The following CYTIP variants were observed in gnomAD, a reference collection of about 807,000 sequenced individuals.
The protein encoded by CYTIP is cytohesin-interacting protein.
CYTIP carries 26 observed loss-of-function variants against 43.8 expected under a neutral mutation model. The observed-to-expected ratio is 0.59, with a 90% confidence interval of 0.44 to 0.82. The LOEUF is 0.82. CYTIP is among the 40% of genes least tolerant of loss of function. The pLI, the probability that CYTIP is intolerant of heterozygous loss-of-function variation, is 0.00. For missense variants in CYTIP, 426 were observed against 443.1 expected, an observed-to-expected ratio of 0.96 and a Z score of 0.35; for synonymous variants, 162 against 162.9, an observed-to-expected ratio of 0.99 and a Z score of 0.04.
At chr2:157,436,725 C>T (rs1325702058) in intron 1 of CYTIP, among the ~76,000 whole-genome samples, 1 of 151,956 alleles carries the variant, frequency 6.6e-6, no homozygotes, top group Non-Finnish European at 1.5e-5. Context: ...CAATGCCCAA[C>T]ACAGGGCCTG....
At chr2:157,429,627 C>G (rs571360348) in intron 5 of CYTIP, among the ~76,000 whole-genome samples, 1 of 152,022 alleles carries the variant, frequency 6.6e-6, no homozygotes, top group African/African-American at 2.4e-5. Context: ...AATGAATGAG[C>G]GAATTTCATC....
At chr2:157,434,261 T>C in intron 3 of CYTIP, 109 bp downstream of exon 3, 12 of 886,578 alleles carry the variant, frequency 1.4e-5, no homozygotes, top group Non-Finnish European at 2.1e-5. Flanking sequence ...ATAAAAGTCA[T>C]AGGCTCCATC....
At chr2:157,432,123 A>G (rs1019025268) in intron 3 of CYTIP, among the ~76,000 whole-genome samples, 1 of 152,174 alleles carries the variant, frequency 6.6e-6, no homozygotes. Flanking sequence ...TGGTACATGA[A>G]TAAAATATAC....
intron 6 of CYTIP, among the ~76,000 whole-genome samples, chr2:157,419,642 C>T (rs908760038): frequency 6.6e-6 from 1 of 152,338 alleles, no homozygotes; most frequent in South Asian, 2.1e-4. Context: ...CTATAGCAAG[C>T]CTAGCAAGTG....
In CYTIP at chr2:157,427,441, A is replaced by AG. The variant is rs1423462602; in HGVS notation, c.477-22dup. 1.9e-6 allele frequency: 3 copies of AG among 1,557,704 alleles called. No homozygotes were observed. The South Asian group carries it at 3.5e-5, about 18-fold the overall frequency. On this transcript the variant is annotated intron_variant, in intron 5 of 7. Transcript: ENST00000264192. ...CTATCCTGTTTTAAGGAAAAAAAAA[A>AG]GAAGAGGAAGGTGGGGAGTGAGTAA... is the stretch of plus-strand genomic sequence containing the variant.
Position 157,434,695 on chromosome 2 carries a change from T to C in CYTIP, c.224+3A>G. The C allele has an allele frequency of 1.9e-6, 3 of 1,607,972 alleles. No individual in the cohort carries two copies. Among genetic ancestry groups the C allele is most frequent in the Non-Finnish European group, 2.6e-6 (3 of 1,175,752 alleles). On this transcript the variant is annotated splice_donor_region_variant and intron_variant, in intron 2 of 7. Coordinates refer to ENST00000264192, the MANE Select transcript of CYTIP (RefSeq NM_004288.5). ...GAGACAAAAAATAATTCAATCTCTT[T>C]ACCTTTGAGACCAGGAAAAGTCACT...
In CYTIP at chr2:157,443,971, T is replaced by C. The variant is rs1685957144; in HGVS notation, c.50A>G (p.Asp17Gly). Residue 17 changes from aspartate to glycine, a missense_variant, in exon 1 of 8, where the codon GAC becomes GGC. Transcript: ENST00000264192. ...GCTATACGCTGGCCCAGCGCAGAAG[T>C]CCGCCAAATTGCCATTGCTGCTGTG... The part of the protein sequence containing the change: ...LQHSSNGNLA[D>G]FCAGPAYSSY... 1 of 1,613,960 alleles carries C rather than the reference T, an allele frequency of 6.2e-7. No individual in the cohort carries two copies.
chr2:157,418,826 A>C (rs1250010085), intron 6 of CYTIP, among the ~76,000 whole-genome samples: 1 of 152,134 alleles, frequency 6.6e-6, no homozygotes, highest in Non-Finnish European at 1.5e-5. Flanking sequence ...AAAAACAAGA[A>C]AAACAATAAA....
At chr2:157,440,150 G>A (rs1158082512) in intron 1 of CYTIP, among the ~76,000 whole-genome samples, 1 of 151,994 alleles carries the variant, frequency 6.6e-6, no homozygotes, top group Admixed American at 6.6e-5. Context: ...TGTTTCAAAG[G>A]CCCCAAAATT....
In CYTIP at chr2:157,415,953, G is replaced by C; in HGVS notation, c.804C>G (p.Asp268Glu). The C allele has an allele frequency of 6.2e-7, 1 of 1,614,196 alleles. No homozygotes were observed. The part of the protein sequence containing the change: ...EDGYQTCVSE[D>E]SSRGAFSRQT... ...GCCGACTGAAGGCACCCCTGCTGGA[G>C]TCCTCAGACACACACGTCTGGTAGC... Residue 268 changes from aspartate to glutamate, a missense_variant, in exon 8 of 8, where the codon GAC becomes GAG. Coordinates refer to ENST00000264192, the MANE Select transcript of CYTIP (RefSeq NM_004288.5).
chr2:157,432,495 C>A (rs1685728005), intron 3 of CYTIP, among the ~76,000 whole-genome samples: 1 of 152,178 alleles, frequency 6.6e-6, no homozygotes. Flanking sequence ...TGTGGATCTT[C>A]TATTGGTAAG....
At chr2:157,427,735 T>C (rs1685635342) in intron 5 of CYTIP, among the ~76,000 whole-genome samples, 1 of 152,244 alleles carries the variant, frequency 6.6e-6, no homozygotes, top group South Asian at 2.1e-4. Context: ...TACTAGAATC[T>C]GTTCTTGTGG....
intron 6 of CYTIP, among the ~76,000 whole-genome samples, chr2:157,422,179 C>G (rs1685531606): frequency 6.6e-6 from 1 of 152,202 alleles, no homozygotes; most frequent in Admixed American, 6.5e-5. Flanking sequence ...GCCCCCAGAC[C>G]TGGCTCTGGA....
chr2:157,430,906 G>A lies in CYTIP; in HGVS notation c.336C>T (p.Cys112=), dbSNP rs758693345. Residue 112 remains cysteine, a synonymous_variant, in exon 4 of 8, where the codon TGC becomes TGT. Transcript: ENST00000264192. ...GAGCTGGGCTGTCCTCCTGTATTTT[G>A]CATATCAAAGTGAACATTTCCGAGG... is the stretch of plus-strand genomic sequence containing the variant. The part of the protein sequence containing the change: ...ACSSEMFTLI[C]KIQEDSPAHC... 4 of 1,613,720 alleles carry A rather than the reference G, an allele frequency of 2.5e-6. No homozygotes were observed. The highest frequency in any genetic ancestry group is 3.4e-6 in the Non-Finnish European group (4 of 1,179,976).
At chr2:157,429,263 A>C (rs1685660411) in intron 5 of CYTIP, among the ~76,000 whole-genome samples, 1 of 152,172 alleles carries the variant, frequency 6.6e-6, no homozygotes, top group Non-Finnish European at 1.5e-5. Context: ...TGCCAAGCCC[A>C]TTGTGAGCAC....
intron 1 of CYTIP, among the ~76,000 whole-genome samples, chr2:157,435,383 T>C (rs1439112031): frequency 6.6e-6 from 1 of 152,202 alleles, no homozygotes; most frequent in Non-Finnish European, 1.5e-5. Context: ...CATTTCTGCT[T>C]ATGATTTATT....
At chr2:157,424,597 A>AG (rs1474383236) in intron 6 of CYTIP, among the ~76,000 whole-genome samples, 1 of 152,140 alleles carries the variant, frequency 6.6e-6, no homozygotes, top group Non-Finnish European at 1.5e-5. Flanking sequence ...AGGCTGAGAT[A>AG]GGAGAACTGC....
intron 3 of CYTIP, among the ~76,000 whole-genome samples, chr2:157,433,690 G>GA: frequency 6.6e-6 from 1 of 152,196 alleles, no homozygotes; most frequent in East Asian, 1.9e-4. Context: ...ATGTGCTCAT[G>GA]AAAAAGCAGA....
At chr2:157,428,216 T>C (rs769325348) in intron 5 of CYTIP, among the ~76,000 whole-genome samples, 2 of 152,240 alleles carry the variant, frequency 1.3e-5, no homozygotes, top group African/African-American at 2.4e-5. Flanking sequence ...TGAATATGAT[T>C]TAAAAATTTC....
Sources: gnomAD v4.1 joint callset for allele counts (sites outside exome capture counted in the v4.1 genomes callset) on GRCh38, gnomAD v4.1.1 for gene constraint, MANE v1.5 for transcripts, NCBI Gene and HGNC (gene_info 2026-07-23, HGNC 2026-07-21) for gene names.